Variants in ABLIM3 observed in about 807,000 individuals in gnomAD.
ABLIM3 encodes the protein actin binding LIM protein family member 3, also known as actin-binding LIM protein 3.
In ABLIM3, 61 loss-of-function variants were observed where a neutral mutation model predicts 109.5. That is an observed-to-expected ratio of 0.56 (90% CI 0.45 to 0.69). ABLIM3 has a LOEUF of 0.69. Ranked by LOEUF, ABLIM3 falls within the 30% of genes least tolerant of loss-of-function variation. The probability of loss-of-function intolerance (pLI) is 0.00; values close to 1 mark genes in which losing one functional copy is unlikely to be tolerated. For synonymous variants in ABLIM3, 300 were observed against 324.8 expected (o/e 0.92, Z 0.82); for missense variants, 796 against 889.5 (o/e 0.89, Z 1.34).
intron 15 of ABLIM3, 199 bp from the exon 16 acceptor site, chr5:149,244,682 A>G (rs1254505770): frequency 3.2e-6 from 2 of 633,214 alleles, no homozygotes; most frequent in East Asian, 5.5e-5. Context: ...CTGGTGCTCC[A>G]ATTACTAAAT....
At chr5:149,141,988 G>T in intron 1 of ABLIM3, 21 bp from the exon 2 acceptor site, 1 of 1,505,924 alleles carries the variant, frequency 6.6e-7, no homozygotes, top group Non-Finnish European at 9.2e-7. Flanking sequence ...GCTGGCACTG[G>T]ACTGCCTTTT....
chr5:149,246,620 C>A (rs775002692), intron 17 of ABLIM3, 74 bp downstream of exon 17: 4 of 1,479,926 alleles, frequency 2.7e-6, no homozygotes, highest in South Asian at 2.6e-5. Context: ...TTACAAGCAA[C>A]AAAAAACAGA....
chr5:149,194,685 G>A (rs1480409781), intron 3 of ABLIM3, among the ~76,000 whole-genome samples: 1 of 152,170 alleles, frequency 6.6e-6, no homozygotes, highest in East Asian at 1.9e-4. Flanking sequence ...CGGGACAATT[G>A]CAGTATGACT....
At chr5:149,161,971 C>CGTGT (rs1754414304) in intron 2 of ABLIM3, among the ~76,000 whole-genome samples, 1 of 151,974 alleles carries the variant, frequency 6.6e-6, no homozygotes, top group Non-Finnish European at 1.5e-5. Context: ...AGTCAGAACA[C>CGTGT]CTGTGTTGAA....
Position 149,259,067 on chromosome 5 carries a change from C to A in ABLIM3, c.*663C>A. 9.9e-7 allele frequency: 1 copy of A among 1,007,116 alleles called. No individual in the cohort carries two copies. The highest frequency in any genetic ancestry group is 1.2e-6 in the Non-Finnish European group (1 of 843,060). The allele number at this position is 1,007,116 out of a possible 1,614,324, so 62.4% of individuals were successfully genotyped here. Reference sequence around the variant, plus strand: ...CTCTCCCTTGTCCAAATCTAGGATTCCTGGTAGGAAAAGGAAAAGGCCCTT... The same window carrying A: ...CTCTCCCTTGTCCAAATCTAGGATTACTGGTAGGAAAAGGAAAAGGCCCTT... On this transcript the variant is annotated 3_prime_UTR_variant, in exon 24 of 24. Coordinates refer to ENST00000309868, the MANE Select transcript of ABLIM3 (RefSeq NM_014945.5).
chr5:149,150,978 T>C (rs1753377181), intron 2 of ABLIM3, among the ~76,000 whole-genome samples: 1 of 152,242 alleles, frequency 6.6e-6, no homozygotes, highest in Admixed American at 6.5e-5. Flanking sequence ...CTTAAAACAG[T>C]GCATGGCACA....
chr5:149,207,699 C>A (rs1466780016), intron 6 of ABLIM3, among the ~76,000 whole-genome samples: 3 of 152,156 alleles, frequency 2.0e-5, no homozygotes, highest in African/African-American at 7.2e-5. Flanking sequence ...CTGTACCCAC[C>A]AGGAGAGGGG....
At chr5:149,167,938 A>G (rs1238656625) in intron 2 of ABLIM3, among the ~76,000 whole-genome samples, 2 of 152,192 alleles carry the variant, frequency 1.3e-5, no homozygotes, top group East Asian at 1.9e-4. Flanking sequence ...TCAGCTTAGC[A>G]CTGTGAATTT....
At chr5:149,152,902 C>A (rs1316266321) in intron 2 of ABLIM3, among the ~76,000 whole-genome samples, 1 of 151,974 alleles carries the variant, frequency 6.6e-6, no homozygotes, top group East Asian at 1.9e-4. Context: ...TAGATCATGC[C>A]AACATAATTT....
intron 3 of ABLIM3, among the ~76,000 whole-genome samples, chr5:149,195,122 A>T (rs547005196): frequency 1.3e-5 from 2 of 152,260 alleles, no homozygotes; most frequent in South Asian, 4.1e-4. Context: ...TCTGTTCTAG[A>T]TGTGTCCTCA....
intron 2 of ABLIM3, among the ~76,000 whole-genome samples, chr5:149,180,582 T>A (rs549985352): frequency 3.8e-4 from 58 of 152,192 alleles, no homozygotes; most frequent in Non-Finnish European, 7.3e-4. Flanking sequence ...ACTGTTCTTT[T>A]ATAATCACAG....
intron 2 of ABLIM3, among the ~76,000 whole-genome samples, chr5:149,180,781 G>C (rs1756389641): frequency 6.6e-6 from 1 of 152,148 alleles, no homozygotes; most frequent in African/African-American, 2.4e-5. Flanking sequence ...ATGCAGCAGG[G>C]TTAGGGCTGG....
intron 2 of ABLIM3, among the ~76,000 whole-genome samples, chr5:149,144,312 A>G (rs1752732706): frequency 6.6e-6 from 1 of 152,074 alleles, no homozygotes; most frequent in Admixed American, 6.5e-5. Flanking sequence ...TGAGGGCTTA[A>G]CTCCATCATC....
At chr5:149,183,396 C>A in intron 2 of ABLIM3, 56 bp from the exon 3 acceptor site, 2 of 1,457,446 alleles carry the variant, frequency 1.4e-6, no homozygotes, top group Non-Finnish European at 9.1e-7. Context: ...TGTCTTGCAG[C>A]AGACTTTGTA....
In ABLIM3 at chr5:149,142,116, G is replaced by A; in HGVS notation, c.13+8G>A. 1 of 1,533,042 alleles carries A rather than the reference G, an allele frequency of 6.5e-7. No individual in the cohort carries two copies. The highest frequency in any genetic ancestry group is 9.0e-7 in the Non-Finnish European group (1 of 1,111,334). 95.0% of individuals were successfully genotyped at this position (1,533,042 alleles called of 1,614,324 possible). A position where few individuals can be genotyped will look rare whatever the true frequency, so the allele number is the denominator to read the frequency against. On this transcript the variant is annotated splice_region_variant and intron_variant, in intron 2 of 23. Coordinates refer to ENST00000309868, the MANE Select transcript of ABLIM3 (RefSeq NM_014945.5). The stretch of plus-strand genomic sequence containing the variant: ...TCACCATGAACACTAGCAGTAAGTG[G>A]ATCCTCCTCTCCTTTGCCATGGGAA...
intron 2 of ABLIM3, among the ~76,000 whole-genome samples, chr5:149,152,661 C>T (rs983041970): frequency 1.3e-5 from 2 of 152,120 alleles, no homozygotes; most frequent in Non-Finnish European, 2.9e-5. Flanking sequence ...CCTTTTCTAG[C>T]CCAAAAGAGG....
chr5:149,184,671 G>A (rs941231911), intron 3 of ABLIM3, among the ~76,000 whole-genome samples: 2 of 152,288 alleles, frequency 1.3e-5, no homozygotes, highest in African/African-American at 4.8e-5. Flanking sequence ...TGATGTAACT[G>A]ATATTGAACT....
rs148651974 is a variant in ABLIM3 at position 149,186,259 on chromosome 5, C to T, written c.151+2670C>T. 7.2e-3 allele frequency among the ~76,000 whole-genome samples: 1,100 copies of T among 152,058 alleles called. 16 individuals carry two copies. Among genetic ancestry groups the T allele is most frequent in the African/African-American group, 0.026 (1,070 of 41,480 alleles). On this transcript the variant is annotated intron_variant, in intron 3 of 23. Coordinates refer to ENST00000309868, the MANE Select transcript of ABLIM3 (RefSeq NM_014945.5). ...TGAAACCCCACCTCTACTAAGAATACAAAAATTAGCTGGGTGTGGTGGCAG... is the reference window on the plus strand; with the variant it reads ...TGAAACCCCACCTCTACTAAGAATATAAAAATTAGCTGGGTGTGGTGGCAG...
At chr5:149,161,280 G>T (rs1754341043) in intron 2 of ABLIM3, among the ~76,000 whole-genome samples, 1 of 152,216 alleles carries the variant, frequency 6.6e-6, no homozygotes, top group Non-Finnish European at 1.5e-5. Flanking sequence ...CAGTAGCAAA[G>T]TCCACTTGAG....
Sources: allele counts gnomAD v4.1 joint callset (sites outside exome capture counted in the v4.1 genomes callset), GRCh38; gene constraint gnomAD v4.1.1; transcripts MANE v1.5; gene names NCBI Gene and HGNC (gene_info 2026-07-23, HGNC 2026-07-21).